The following PPP4R3A variants were observed in gnomAD, a reference collection of about 807,000 sequenced individuals.
PPP4R3A encodes serine/threonine-protein phosphatase 4 regulatory subunit 3A.
In PPP4R3A, 15 loss-of-function variants were observed where a neutral mutation model predicts 91.7. The observed-to-expected ratio is 0.16, with a 90% CI of 0.11 to 0.25. The LOEUF (loss-of-function observed/expected upper bound fraction) is 0.25, where lower values mean the gene tolerates loss of function less well. PPP4R3A is among the 10% of genes least tolerant of loss of function. The pLI is 1.00. For synonymous variants in PPP4R3A, 377 were observed against 348.7 expected, an observed-to-expected ratio of 1.08 and a Z score of -0.91; for missense variants, 623 against 998.4, an observed-to-expected ratio of 0.62 and a Z score of 5.07.
At position 91,510,076 on chromosome 14, in the gene PPP4R3A, T is replaced by C. The variant is rs1010819099; in HGVS notation, c.-429A>G. The C allele has an allele frequency of 2.2e-5, 9 of 402,674 alleles. No homozygotes were observed. The Admixed American group carries it at 3.2e-4, about 14-fold the overall frequency. 24.9% of individuals were successfully genotyped at this position (402,674 alleles called of 1,614,324 possible). ...CCGCCATATTTTCCTTCCTTATACC[T>C]GGCCCTGCCACCGCGGCCAGTGGCT... On this transcript the variant is annotated 5_prime_UTR_variant, in exon 1 of 15. Transcript: ENST00000554943.
At chr14:91,464,524 G>C (rs1357322767) in intron 11 of PPP4R3A, among the ~76,000 whole-genome samples, 2 of 152,108 alleles carry the variant, frequency 1.3e-5, no homozygotes, top group East Asian at 3.8e-4. Flanking sequence ...AATTACTTGT[G>C]AGGCTAAGGT....
intron 1 of PPP4R3A, among the ~76,000 whole-genome samples, chr14:91,507,458 T>C (rs1284913700): frequency 2.9e-5 from 4 of 136,992 alleles, no homozygotes; most frequent in East Asian, 4.4e-4. Flanking sequence ...ATAGTATATA[T>C]ACTATAATTA....
chr14:91,476,206 A>C (rs1012295430), intron 6 of PPP4R3A, among the ~76,000 whole-genome samples: 8 of 152,256 alleles, frequency 5.3e-5, no homozygotes, highest in African/African-American at 1.9e-4. Flanking sequence ...ACTATCATTA[A>C]ATTATGGGAA....
chr14:91,467,514 G>T (rs1034264192), intron 10 of PPP4R3A, among the ~76,000 whole-genome samples: 1 of 152,148 alleles, frequency 6.6e-6, no homozygotes, highest in African/African-American at 2.4e-5. Context: ...TTTTTACCTT[G>T]TAACTAATGA....
intron 2 of PPP4R3A, 76 bp from the exon 3 acceptor site, chr14:91,485,806 A>C: frequency 1.0e-6 from 1 of 984,942 alleles, no homozygotes; most frequent in Non-Finnish European, 1.5e-6. Context: ...AAAGGAAATA[A>C]AACTGTGCTC....
intron 1 of PPP4R3A, among the ~76,000 whole-genome samples, chr14:91,503,240 T>A (rs1891069800): frequency 1.3e-5 from 2 of 152,058 alleles, no homozygotes; most frequent in African/African-American, 4.8e-5. Flanking sequence ...CTCCCCCACC[T>A]TGGCTTCCCA....
chr14:91,461,358 C>A, intron 14 of PPP4R3A, 23 bp downstream of exon 14: 2 of 1,587,752 alleles, frequency 1.3e-6, no homozygotes, highest in Non-Finnish European at 1.7e-6. Context: ...AAAAAGGGGG[C>A]AAAATGGGAG....
Position 91,509,743 on chromosome 14 carries a change from G to A in PPP4R3A, c.-96C>T, listed in dbSNP as rs1430313380. The A allele has an allele frequency of 7.3e-7, 1 of 1,378,598 alleles. No individual in the cohort carries two copies. Among genetic ancestry groups the A allele is most frequent in the Middle Eastern group, 2.6e-4 (1 of 3,790 alleles). The allele number at this position is 1,378,598 out of a possible 1,614,324, so 85.4% of individuals were successfully genotyped here. A position where few individuals can be genotyped will look rare whatever the true frequency, so the allele number is the denominator to read the frequency against. ...GGGCGAGGCGTGAGGGCGCCCGCGA[G>A]CGGAGGGCTCCCCGGCCTCACTGCC... On this transcript the variant is annotated 5_prime_UTR_variant, in exon 1 of 15. Transcript: ENST00000554943.
intron 1 of PPP4R3A, among the ~76,000 whole-genome samples, chr14:91,508,459 A>G (rs960746836): frequency 6.6e-6 from 1 of 152,204 alleles, no homozygotes; most frequent in Non-Finnish European, 1.5e-5. Flanking sequence ...ATAAACTGGC[A>G]TCGTTAGCAA....
At chr14:91,487,505 A>G (rs1889970746) in intron 2 of PPP4R3A, among the ~76,000 whole-genome samples, 1 of 152,158 alleles carries the variant, frequency 6.6e-6, no homozygotes, top group African/African-American at 2.4e-5. Context: ...GTAAAGTTAG[A>G]TGGATTTGAA....
At chr14:91,499,641 T>G (rs1890811483) in intron 1 of PPP4R3A, among the ~76,000 whole-genome samples, 1 of 151,618 alleles carries the variant, frequency 6.6e-6, no homozygotes, top group Non-Finnish European at 1.5e-5. Context: ...GCCAACATGG[T>G]GAAATCTCAT....
At chr14:91,486,880 G>C (rs1889911251) in intron 2 of PPP4R3A, among the ~76,000 whole-genome samples, 1 of 145,724 alleles carries the variant, frequency 6.9e-6, no homozygotes, top group East Asian at 2.0e-4. Flanking sequence ...CTCCAGCCTG[G>C]GCAACAGGAG....
At chr14:91,461,250 G>A in intron 14 of PPP4R3A, 131 bp downstream of exon 14, 1 of 784,408 alleles carries the variant, frequency 1.3e-6, no homozygotes, top group South Asian at 2.0e-5. Flanking sequence ...CGGTGGGGGG[G>A]ACTCATCCTC....
At position 91,509,706 on chromosome 14, in the gene PPP4R3A, T is replaced by C. The variant is rs1485368680; in HGVS notation, c.-59A>G. The C allele has an allele frequency of 6.4e-7, 1 of 1,554,888 alleles. No homozygotes were observed. The highest frequency in any genetic ancestry group is 2.4e-5 in the East Asian group (1 of 42,182). On this transcript the variant is annotated 5_prime_UTR_variant, in exon 1 of 15. Coordinates refer to ENST00000554943, the MANE Select transcript of PPP4R3A (RefSeq NM_001366432.2). Reference sequence around the variant, plus strand: ...CAGTAGACGCCCAGGAAAGGGGCCCTGGAGAGGCGAGGGGCGAGGCGTGAG... The same window carrying C: ...CAGTAGACGCCCAGGAAAGGGGCCCCGGAGAGGCGAGGGGCGAGGCGTGAG...
At chr14:91,508,249 A>G (rs925999430) in intron 1 of PPP4R3A, among the ~76,000 whole-genome samples, 1 of 152,236 alleles carries the variant, frequency 6.6e-6, no homozygotes, top group Non-Finnish European at 1.5e-5. Flanking sequence ...TACTTTGGGT[A>G]ACCTTATAAC....
chr14:91,494,224 C>G (rs1385814978), intron 1 of PPP4R3A, among the ~76,000 whole-genome samples: 1 of 152,148 alleles, frequency 6.6e-6, no homozygotes, highest in Non-Finnish European at 1.5e-5. Flanking sequence ...GATGCAAGAT[C>G]TCTAATGGCA....
chr14:91,462,501 CTTTTT>C (rs10718143), intron 12 of PPP4R3A, among the ~76,000 whole-genome samples: 1 of 139,942 alleles, frequency 7.1e-6, no homozygotes, highest in Non-Finnish European at 1.5e-5. Flanking sequence ...ACTGTTTGGT[CTTTTT>C]TTTTTTTTTT....
rs200747494 is a variant in PPP4R3A at position 91,509,532 on chromosome 14, G to T, written c.116C>A (p.Ser39Tyr). The T allele has an allele frequency of 1.7e-5, 27 of 1,597,460 alleles. No homozygotes were observed. Among genetic ancestry groups the T allele is most frequent in the East Asian group, 2.2e-5 (1 of 44,582 alleles). ...GTCGCTCTCAGCCCTGACAAGCAGGGACATGCCCTTCAGCCGCTCCACGTA... is the reference window on the plus strand; with the variant it reads ...GTCGCTCTCAGCCCTGACAAGCAGGTACATGCCCTTCAGCCGCTCCACGTA... ...SGYVERLKGM[S>Y]LLVRAESDGS... Residue 39 changes from serine to tyrosine, a missense_variant, in exon 1 of 15, where the codon TCC becomes TAC. Coordinates refer to ENST00000554943, the MANE Select transcript of PPP4R3A (RefSeq NM_001366432.2).
rs138419348 is a variant in PPP4R3A at position 91,481,503 on chromosome 14, G to C, written c.915+73C>G. 93 of 1,413,382 alleles carry C rather than the reference G, an allele frequency of 6.6e-5. No individual in the cohort carries two copies. In the South Asian group the frequency reaches 1.4e-3, roughly 21 times the overall value. The allele number at this position is 1,413,382 out of a possible 1,614,324, so 87.6% of individuals were successfully genotyped here. On this transcript the variant is annotated intron_variant, in intron 4 of 14. Transcript: ENST00000554943. ...TACATTAACAAAATTAAAACTCAAT[G>C]TATGTATTTAAAAGGAGCAAATTGT... is the stretch of plus-strand genomic sequence containing the variant.
Sources: gnomAD v4.1 joint callset for allele counts (sites outside exome capture counted in the v4.1 genomes callset) on GRCh38, gnomAD v4.1.1 for gene constraint, MANE v1.5 for transcripts, NCBI Gene and HGNC (gene_info 2026-07-23, HGNC 2026-07-21) for gene names.